The following EPHA3 variants were observed in gnomAD, a reference collection of about 807,000 sequenced individuals.
The protein encoded by EPHA3 is ephrin type-A receptor 3.
A neutral mutation model predicts 107.1 loss-of-function variants in EPHA3; 42 were observed. The observed-to-expected ratio is 0.39, with a 90% confidence interval of 0.31 to 0.51. The LOEUF is 0.51. EPHA3 is among the 20% of genes least tolerant of loss of function. EPHA3 has a pLI of 0.78. For synonymous variants in EPHA3, 461 were observed against 424.8 expected (o/e 1.09, Z -1.05); for missense variants, 1,183 against 1,211.2 (o/e 0.98, Z 0.35).
intron 7 of EPHA3, among the ~76,000 whole-genome samples, chr3:89,406,285 T>C (rs1414660709): frequency 1.8e-4 from 28 of 152,130 alleles, no homozygotes; most frequent in Non-Finnish European, 1.5e-4. Context: ...TCATAAGAAA[T>C]ATACAATCTC....
At position 89,340,623 on chromosome 3, in the gene EPHA3, A is replaced by G. The variant is rs1445441704; in HGVS notation, c.815-293A>G. The stretch of plus-strand genomic sequence containing the variant: ...TGGTTTTGCTTTATTTTCTCCACAA[A>G]TAGTCCAATGCCAAGTAAAGCTGTG... On this transcript the variant is annotated intron_variant, in intron 3 of 16. Coordinates refer to ENST00000336596, the MANE Select transcript of EPHA3 (RefSeq NM_005233.6). Among the ~76,000 whole-genome samples, 9 of 152,322 alleles carry G rather than the reference A, an allele frequency of 5.9e-5. No homozygotes were observed. In the South Asian group the frequency reaches 1.0e-3, roughly 18 times the overall value.
chr3:89,184,321 G>A (rs1705512812), intron 2 of EPHA3, among the ~76,000 whole-genome samples: 1 of 151,942 alleles, frequency 6.6e-6, no homozygotes. Flanking sequence ...TAGAGTAATG[G>A]TATCCTTAGT....
intron 2 of EPHA3, among the ~76,000 whole-genome samples, chr3:89,198,741 C>T (rs567374064): frequency 1.6e-4 from 24 of 152,234 alleles, no homozygotes; most frequent in Non-Finnish European, 3.2e-4. Flanking sequence ...GGGAGTGCTC[C>T]GCAGGTATAT....
rs545019177 is a variant in EPHA3 at position 89,300,027 on chromosome 3, A to G, written c.815-40889A>G. 6.6e-5 allele frequency among the ~76,000 whole-genome samples: 10 copies of G among 152,160 alleles called. No individual in the cohort carries two copies. In the East Asian group the frequency reaches 1.7e-3, roughly 26 times the overall value. On this transcript the variant is annotated intron_variant, in intron 3 of 16. Transcript: ENST00000336596. The stretch of plus-strand genomic sequence containing the variant: ...ATTTGGCCACTAAGCCAAATAAACA[A>G]CAACAAAAGAATTTAAAAATATTAA...
At chr3:89,401,167 C>T (rs1452625072) in intron 7 of EPHA3, among the ~76,000 whole-genome samples, 2 of 152,174 alleles carry the variant, frequency 1.3e-5, no homozygotes, top group African/African-American at 2.4e-5. Flanking sequence ...CAAGTTTACT[C>T]ATGTTGGAGT....
chr3:89,199,370 T>A (rs1265692550), intron 2 of EPHA3, among the ~76,000 whole-genome samples: 1 of 152,190 alleles, frequency 6.6e-6, no homozygotes, highest in Non-Finnish European at 1.5e-5. Context: ...ACCTTTACAA[T>A]GCAAATTATA....
chr3:89,413,312 A>G, intron 10 of EPHA3, 46 bp downstream of exon 10: 1 of 1,608,176 alleles, frequency 6.2e-7, no homozygotes. Context: ...TATGTGAATC[A>G]CGATTGCTCA....
intron 2 of EPHA3, among the ~76,000 whole-genome samples, chr3:89,196,692 A>ATACATTTTGACATAGTAGTCAAAATTC (rs1705844335): frequency 6.6e-6 from 1 of 152,120 alleles, no homozygotes; most frequent in South Asian, 2.1e-4. Flanking sequence ...AGTCAAAATT[A>ATACATTTTGACATAGTAGTCAAAATTC]TACATTTTGA....
chr3:89,192,008 G>A (rs1161046340), intron 2 of EPHA3, among the ~76,000 whole-genome samples: 1 of 152,194 alleles, frequency 6.6e-6, no homozygotes. Context: ...GCCCTAGTGT[G>A]TGACTTCGGG....
Position 89,362,699 on chromosome 3 carries a change from A to C in EPHA3, c.1306+20609A>C, listed in dbSNP as rs986677178. 1.3e-5 allele frequency among the ~76,000 whole-genome samples: 2 copies of C among 151,022 alleles called. 1 individual carries two copies. The highest frequency in any genetic ancestry group is 3.0e-5 in the Non-Finnish European group (2 of 67,428). On this transcript the variant is annotated intron_variant, in intron 5 of 16. Coordinates refer to ENST00000336596, the MANE Select transcript of EPHA3 (RefSeq NM_005233.6). Reference sequence around the variant, plus strand: ...TGATTGGGTGTTTGTGAAAAGCACCAGATTGTCAGATGGCAGGATGTGTAC... The same window carrying C: ...TGATTGGGTGTTTGTGAAAAGCACCCGATTGTCAGATGGCAGGATGTGTAC...
chr3:89,475,095 T>C (rs1710481440), intron 16 of EPHA3, among the ~76,000 whole-genome samples: 1 of 152,110 alleles, frequency 6.6e-6, no homozygotes, highest in South Asian at 2.1e-4. Flanking sequence ...TTTCCTTGAG[T>C]CTTCATAGTG....
intron 3 of EPHA3, among the ~76,000 whole-genome samples, chr3:89,339,961 G>A (rs1175501760): frequency 6.6e-6 from 1 of 152,072 alleles, no homozygotes; most frequent in Non-Finnish European, 1.5e-5. Context: ...AATTACTAGA[G>A]ACTTCTTGGA....
intron 2 of EPHA3, among the ~76,000 whole-genome samples, chr3:89,162,675 G>A (rs563441803): frequency 6.6e-6 from 1 of 152,340 alleles, no homozygotes; most frequent in South Asian, 2.1e-4. Context: ...GACAGAAGGT[G>A]AAGTGAAGCT....
At chr3:89,350,573 T>C (rs1393737944) in intron 5 of EPHA3, among the ~76,000 whole-genome samples, 2 of 150,622 alleles carry the variant, frequency 1.3e-5, no homozygotes, top group African/African-American at 4.9e-5. Context: ...TGTCCTCCCA[T>C]AGCTCAGAGT....
chr3:89,448,758 C>G (rs1008051885), intron 13 of EPHA3, among the ~76,000 whole-genome samples: 1 of 151,980 alleles, frequency 6.6e-6, no homozygotes. Context: ...CCTGTAAGTA[C>G]TTATGTGCCA....
Position 89,407,936 on chromosome 3 carries a change from A to G in EPHA3, c.1698-131A>G, listed in dbSNP as rs2107517101. 4 of 915,990 alleles carry G rather than the reference A, an allele frequency of 4.4e-6. No homozygotes were observed. In the East Asian group the frequency reaches 7.8e-5, roughly 18 times the overall value. 56.7% of individuals were successfully genotyped at this position (915,990 alleles called of 1,614,324 possible). A position where few individuals can be genotyped will look rare whatever the true frequency, so the allele number is the denominator to read the frequency against. On this transcript the variant is annotated intron_variant, in intron 8 of 16. Transcript: ENST00000336596. ...CAGAGGATTTTGAAAATATGAAGTTATTAAACTTTCACTAAAGCATTTAAT... is the reference window on the plus strand; with the variant it reads ...CAGAGGATTTTGAAAATATGAAGTTGTTAAACTTTCACTAAAGCATTTAAT...
chr3:89,291,919 A>C (rs1488654554), intron 3 of EPHA3, among the ~76,000 whole-genome samples: 1 of 152,190 alleles, frequency 6.6e-6, no homozygotes, highest in Non-Finnish European at 1.5e-5. Context: ...TGGTAGCATC[A>C]ATGTCTAGGA....
intron 9 of EPHA3, 120 bp from the exon 10 acceptor site, chr3:89,413,021 T>C: frequency 7.6e-7 from 1 of 1,312,816 alleles, no homozygotes; most frequent in Non-Finnish European, 1.0e-6. Context: ...CAGAATAAAC[T>C]GAAGGTTGTG....
At chr3:89,363,476 T>C (rs1244924028) in intron 5 of EPHA3, among the ~76,000 whole-genome samples, 2 of 150,798 alleles carry the variant, frequency 1.3e-5, no homozygotes, top group East Asian at 3.9e-4. Flanking sequence ...TTTTTTCTCT[T>C]AAGGCCTTCA....
Sources: gnomAD v4.1 joint callset for allele counts (sites outside exome capture counted in the v4.1 genomes callset) on GRCh38, gnomAD v4.1.1 for gene constraint, MANE v1.5 for transcripts, NCBI Gene and HGNC (gene_info 2026-07-23, HGNC 2026-07-21) for gene names.